PHKA2: variants seen among roughly 807,000 people sequenced by gnomAD.
PHKA2 encodes phosphorylase b kinase regulatory subunit alpha, liver isoform.
PHKA2 carries 31 observed loss-of-function variants against 102.0 expected under a neutral mutation model. That is an observed-to-expected ratio of 0.30 (90% CI 0.23 to 0.41). The LOEUF is 0.41. Among genes scored for constraint, PHKA2 ranks in the 10% least tolerant of loss-of-function variants. The pLI is 1.00. For synonymous variants in PHKA2, 455 were observed against 416.2 expected (o/e 1.09, Z -1.13); for missense variants, 858 against 1,023.1 (o/e 0.84, Z 2.20).
intron 1 of PHKA2, among the ~76,000 whole-genome samples, chrX:18,960,117 C>T (rs996954350): frequency 1.8e-5 from 2 of 111,830 alleles, no homozygotes; most frequent in African/African-American, 3.3e-5. Context: ...CAGGCCCCTA[C>T]GACCTAGAAT....
At chrX:18,930,402 C>T (rs141349567) in intron 12 of PHKA2, among the ~76,000 whole-genome samples, 1,228 of 110,759 alleles carry the variant, frequency 0.011, 17 homozygotes, top group African/African-American at 0.035. Flanking sequence ...ACACGAACCC[C>T]GAGAGAGAGG....
rs1367743752 is a variant in PHKA2, at chrX:18,948,822, T to C, written c.459A>G (p.Leu153=). The C allele has an allele frequency of 8.5e-7, 1 of 1,171,275 alleles. No homozygotes were observed. Among genetic ancestry groups the C allele is most frequent in the Admixed American group, 2.2e-5 (1 of 45,811 alleles). ...LFLAQMTASG[L]RIIFTLDEVA... is the part of the protein sequence containing the mutation. ...CCTCATCGAGAGTGAAAATGATACGTAAGCCTAGCAAAGAAAAACAATGAG... is the reference window on the plus strand; with the variant it reads ...CCTCATCGAGAGTGAAAATGATACGCAAGCCTAGCAAAGAAAAACAATGAG... The change falls in exon 5 of 33, where the codon TTA becomes TTG. Residue 153 remains leucine (L), a synonymous_variant. Coordinates refer to ENST00000379942, the MANE Select transcript of PHKA2 (RefSeq NM_000292.3).
intron 1 of PHKA2, among the ~76,000 whole-genome samples, chrX:18,966,681 G>A (rs779742867): frequency 3.0e-4 from 34 of 112,230 alleles, no homozygotes; most frequent in Non-Finnish European, 5.4e-4. Flanking sequence ...TATCCCAGGA[G>A]GGGGAAAATG....
chrX:18,920,716 T>A (rs1016936272), intron 17 of PHKA2, among the ~76,000 whole-genome samples: 16 of 111,829 alleles, frequency 1.4e-4, no homozygotes, highest in Non-Finnish European at 1.9e-5. Flanking sequence ...ATCCCCAGAC[T>A]GGAGCAGAAG....
chrX:18,907,894 A>G lies in PHKA2; in HGVS notation c.2517+6T>C, dbSNP rs1172154660. 1 of 1,210,900 alleles carries G rather than the reference A, an allele frequency of 8.3e-7. No individual in the cohort carries two copies. The highest frequency in any genetic ancestry group is 2.2e-5 in the Admixed American group (1 of 46,013). On this transcript the variant is annotated splice_donor_region_variant and intron_variant, in intron 22 of 32. Coordinates refer to ENST00000379942, the MANE Select transcript of PHKA2 (RefSeq NM_000292.3). Reference sequence around the variant, plus strand: ...ACACATGGGCAGCCTGCACAGTCGCACTGACCTCAGCCAGGACCTCCACTT... The same window carrying G: ...ACACATGGGCAGCCTGCACAGTCGCGCTGACCTCAGCCAGGACCTCCACTT...
At chrX:18,908,088 G>A (rs1408017974) in intron 21 of PHKA2, 32 bp from the exon 22 acceptor site, 4 of 1,184,531 alleles carry the variant, frequency 3.4e-6, no homozygotes, top group African/African-American at 3.5e-5. Flanking sequence ...CAGAAATATG[G>A]TCCAGAAAGT....
At chrX:18,923,240 G>C (rs186546479) in intron 17 of PHKA2, among the ~76,000 whole-genome samples, 191 of 109,975 alleles carry the variant, frequency 1.7e-3, no homozygotes, top group African/African-American at 5.8e-3. Context: ...AATAGAGACA[G>C]GGTTTTGCCA....
chrX:18,977,926 C>A (rs1022150620), intron 1 of PHKA2, among the ~76,000 whole-genome samples: 1 of 112,070 alleles, frequency 8.9e-6, no homozygotes, highest in Non-Finnish European at 1.9e-5. Flanking sequence ...CTTTGGGAGG[C>A]CGAGGCGGGC....
chrX:18,971,376 T>C (rs1047750300), intron 1 of PHKA2, among the ~76,000 whole-genome samples: 5 of 112,406 alleles, frequency 4.4e-5, no homozygotes, highest in African/African-American at 1.3e-4. Context: ...CTTGTTTACA[T>C]TGTAGAATAT....
At chrX:18,935,677 A>C (rs1377012246) in intron 11 of PHKA2, among the ~76,000 whole-genome samples, 1 of 104,850 alleles carries the variant, frequency 9.5e-6, no homozygotes, top group Admixed American at 1.0e-4. Context: ...ATCTCGGCTC[A>C]TTGCAACCTC....
chrX:18,924,226 A>G (rs2048173537), intron 16 of PHKA2, 92 bp from the exon 17 acceptor site: 1 of 928,850 alleles, frequency 1.1e-6, no homozygotes. Context: ...TCTAATTAAA[A>G]TATTTCTGGC....
At chrX:18,971,150 T>G (rs935654234) in intron 1 of PHKA2, among the ~76,000 whole-genome samples, 1 of 112,561 alleles carries the variant, frequency 8.9e-6, no homozygotes, top group African/African-American at 3.2e-5. Context: ...GGGTTTTGTT[T>G]GTCATAGCAG....
chrX:18,983,563 G>C (rs1021028753), intron 1 of PHKA2, among the ~76,000 whole-genome samples: 2 of 112,073 alleles, frequency 1.8e-5, no homozygotes, highest in Non-Finnish European at 3.8e-5. Context: ...AAAAAAAGCA[G>C]AGTCAATGCA....
At chrX:18,915,003 T>C (rs1266405282) in intron 19 of PHKA2, among the ~76,000 whole-genome samples, 3 of 111,344 alleles carry the variant, frequency 2.7e-5, no homozygotes, top group Non-Finnish European at 5.7e-5. Context: ...AAAAAGGGTA[T>C]ATACAAACCA....
chrX:18,944,348 A>G (rs2048543387), intron 6 of PHKA2, among the ~76,000 whole-genome samples: 1 of 112,005 alleles, frequency 8.9e-6, no homozygotes, highest in Non-Finnish European at 1.9e-5. Flanking sequence ...CACTTCAGAA[A>G]GTTAATTCTT....
chrX:18,975,132 T>G (rs1274942389), intron 1 of PHKA2, among the ~76,000 whole-genome samples: 2 of 111,605 alleles, frequency 1.8e-5, no homozygotes, highest in Non-Finnish European at 3.8e-5. Flanking sequence ...TTATCATTTC[T>G]ACTTGGATAC....
At chrX:18,938,455 A>T (rs748220872) in intron 10 of PHKA2, among the ~76,000 whole-genome samples, 172 bp downstream of exon 10, 35 of 113,622 alleles carry the variant, frequency 3.1e-4, no homozygotes, top group Middle Eastern at 9.1e-3. Context: ...ATCATGAGCA[A>T]ATAAATAAAA....
intron 1 of PHKA2, among the ~76,000 whole-genome samples, chrX:18,957,993 C>G (rs995232572): frequency 1.8e-5 from 2 of 109,253 alleles, no homozygotes; most frequent in Admixed American, 9.8e-5. Context: ...CAGAGTAGCT[C>G]GGATTACAGG....
At chrX:18,898,743 G>A (rs1236044312) in intron 29 of PHKA2, among the ~76,000 whole-genome samples, 3 of 112,568 alleles carry the variant, frequency 2.7e-5, no homozygotes, top group Admixed American at 1.9e-4. Context: ...TCAGGAGGAA[G>A]ATTCAGCCTC....
Sources: allele counts gnomAD v4.1 joint callset (sites outside exome capture counted in the v4.1 genomes callset), GRCh38; gene constraint gnomAD v4.1.1; transcripts MANE v1.5; gene names NCBI Gene and HGNC (gene_info 2026-07-23, HGNC 2026-07-21).